PHIP: variants seen among roughly 807,000 people sequenced by gnomAD.
PHIP encodes the protein PHIP subunit of CUL4-Ring ligase complex.
PHIP carries 54 observed loss-of-function variants against 236.8 expected under a neutral mutation model. That is an observed-to-expected ratio of 0.23 (90% confidence interval 0.18 to 0.29). PHIP has a LOEUF of 0.29. PHIP is among the 10% of genes least tolerant of loss of function. The pLI, the probability that PHIP is intolerant of heterozygous loss-of-function variation, is 1.00. For missense variants in PHIP, 1,370 were observed against 2,190.8 expected (o/e 0.63, Z 7.48); for synonymous variants, 756 against 718.9 (o/e 1.05, Z -0.83).
intron 4 of PHIP, among the ~76,000 whole-genome samples, chr6:79,068,729 A>C (rs1307878286): frequency 6.6e-6 from 1 of 152,196 alleles, no homozygotes; most frequent in African/African-American, 2.4e-5. Context: ...CTTCGTGTTG[A>C]ACAAAATCTT....
intron 8 of PHIP, 127 bp downstream of exon 8, chr6:79,025,816 T>C: frequency 1.3e-6 from 1 of 748,888 alleles, no homozygotes; most frequent in Non-Finnish European, 2.2e-6. Context: ...TGGCCTTATA[T>C]ACTGGATTAT....
intron 13 of PHIP, 144 bp from the exon 14 acceptor site, chr6:79,015,927 A>G: frequency 1.7e-6 from 1 of 592,438 alleles, no homozygotes; most frequent in African/African-American, 1.9e-5. Flanking sequence ...TCAACATGGA[A>G]TGATGGTAAA....
chr6:78,967,385 C>T (rs540538896), intron 27 of PHIP, among the ~76,000 whole-genome samples: 4 of 152,320 alleles, frequency 2.6e-5, no homozygotes, highest in African/African-American at 9.6e-5. Context: ...TATGACCCTA[C>T]ACAGACTGAT....
chr6:78,995,883 C>T (rs539129794), intron 19 of PHIP, among the ~76,000 whole-genome samples: 110 of 152,186 alleles, frequency 7.2e-4, no homozygotes, highest in African/African-American at 2.5e-3. Context: ...AGGAAGATTC[C>T]CATAGGATGA....
At chr6:79,027,243 AT>A (rs1479089517) in intron 7 of PHIP, among the ~76,000 whole-genome samples, 2 of 152,198 alleles carry the variant, frequency 1.3e-5, no homozygotes, top group African/African-American at 4.8e-5. Flanking sequence ...TAAATGCTGT[AT>A]CTTAAATCAG....
intron 7 of PHIP, among the ~76,000 whole-genome samples, chr6:79,029,003 T>C (rs999511940): frequency 7.2e-5 from 11 of 152,384 alleles, no homozygotes; most frequent in Middle Eastern, 3.4e-3. Flanking sequence ...AGTCCTACTA[T>C]ATTCCTACTG....
intron 4 of PHIP, among the ~76,000 whole-genome samples, chr6:79,077,084 G>C (rs1774204253): frequency 6.6e-6 from 1 of 152,028 alleles, no homozygotes; most frequent in South Asian, 2.1e-4. Context: ...GAGCGAGCGC[G>C]CTCTCCCTCT....
At chr6:79,026,832 C>T (rs2127748930) in intron 7 of PHIP, among the ~76,000 whole-genome samples, 1 of 151,492 alleles carries the variant, frequency 6.6e-6, no homozygotes, top group East Asian at 1.9e-4. Context: ...CATTCAGACT[C>T]TATTTTTATT....
In PHIP at chr6:78,939,005, A is replaced by G. The variant is rs1283998630; in HGVS notation, c.*1688T>C. On this transcript the variant is annotated 3_prime_UTR_variant, in exon 40 of 40. Transcript: ENST00000275034. ...CATATTTTCCCCATCCTCACTTTTT[A>G]AAAATGTAGTATCTGAAAATTTTGA... The G allele has an allele frequency of 6.6e-6, 1 of 151,752 alleles. No individual in the cohort carries two copies. The highest frequency in any genetic ancestry group is 1.5e-5 in the Non-Finnish European group (1 of 67,682). 9.4% of individuals were successfully genotyped at this position (151,752 alleles called of 1,614,324 possible).
At position 78,985,429 on chromosome 6, in the gene PHIP, C is replaced by T; in HGVS notation, c.2461-1G>A. ...CACTGACAGCAACTACTTCGCCTTC[C>T]TAAGATATGTTGAATACATGTCTTA... On this transcript the variant is annotated splice_acceptor_variant, in intron 21 of 39. Coordinates refer to ENST00000275034, the MANE Select transcript of PHIP (RefSeq NM_017934.7). LOFTEE classifies it high-confidence loss of function. 6.5e-7 allele frequency: 1 copy of T among 1,531,738 alleles called. No homozygotes were observed. Among genetic ancestry groups the T allele is most frequent in the Non-Finnish European group, 9.1e-7 (1 of 1,104,900 alleles). 94.9% of individuals were successfully genotyped at this position (1,531,738 alleles called of 1,614,324 possible). A position where few individuals can be genotyped will look rare whatever the true frequency, so the allele number is the denominator to read the frequency against.
chr6:78,971,527 A>G (rs949056786), intron 24 of PHIP, among the ~76,000 whole-genome samples: 1 of 152,130 alleles, frequency 6.6e-6, no homozygotes, highest in African/African-American at 2.4e-5. Flanking sequence ...GGGAGGGGCC[A>G]AGATGGCCGA....
At chr6:78,983,230 A>C (rs1768655433) in intron 22 of PHIP, 113 bp from the exon 23 acceptor site, 2 of 501,058 alleles carry the variant, frequency 4.0e-6, no homozygotes, top group Admixed American at 3.7e-5. Flanking sequence ...CAAATACTTA[A>C]ACTACAAAAA....
intron 4 of PHIP, among the ~76,000 whole-genome samples, chr6:79,072,031 CCTAAAG>C (rs1486829521): frequency 6.6e-6 from 1 of 151,410 alleles, no homozygotes; most frequent in Non-Finnish European, 1.5e-5. Flanking sequence ...ATTTATTTTA[CCTAAAG>C]CTAAAGTCTT....
intron 35 of PHIP, among the ~76,000 whole-genome samples, chr6:78,952,770 C>T (rs1159234174): frequency 6.6e-6 from 1 of 152,064 alleles, no homozygotes; most frequent in Non-Finnish European, 1.5e-5. Context: ...CTTTTCCTCT[C>T]AAATAACATA....
At chr6:79,010,083 A>G (rs1224785204) in intron 15 of PHIP, among the ~76,000 whole-genome samples, 1 of 151,032 alleles carries the variant, frequency 6.6e-6, no homozygotes, top group African/African-American at 2.4e-5. Flanking sequence ...AGAAGGGAGG[A>G]AGGGAGGGAG....
At chr6:78,987,089 A>G (rs114546674) in intron 21 of PHIP, among the ~76,000 whole-genome samples, 1 of 152,146 alleles carries the variant, frequency 6.6e-6, no homozygotes, top group South Asian at 2.1e-4. Context: ...AATATATTCT[A>G]AATTTCTAAA....
Position 78,945,288 on chromosome 6 carries a change from G to A in PHIP, c.4828+12C>T, listed in dbSNP as rs1019804960. 1 of 1,568,996 alleles carries A rather than the reference G, an allele frequency of 6.4e-7. No individual in the cohort carries two copies. The highest frequency in any genetic ancestry group is 8.8e-7 in the Non-Finnish European group (1 of 1,138,910). On this transcript the variant is annotated intron_variant, in intron 39 of 39. Coordinates refer to ENST00000275034, the MANE Select transcript of PHIP (RefSeq NM_017934.7). ...ATCTACTGTATCTTGAAAGATACAA[G>A]TAATACCTTACCTTGCTCAATGACA...
chr6:78,997,938 T>C (rs1391998057), intron 18 of PHIP, among the ~76,000 whole-genome samples: 1 of 152,172 alleles, frequency 6.6e-6, no homozygotes, highest in Non-Finnish European at 1.5e-5. Context: ...TAAATTTGTT[T>C]TGACTCTTAA....
intron 3 of PHIP, 94 bp from the exon 4 acceptor site, chr6:79,077,601 G>A (rs1774241005): frequency 1.2e-6 from 1 of 828,768 alleles, no homozygotes; most frequent in East Asian, 1.3e-4. Flanking sequence ...GGGACCCCGA[G>A]CCCCGCGCCC....
Sources: gnomAD v4.1 joint callset for allele counts (sites outside exome capture counted in the v4.1 genomes callset) on GRCh38, gnomAD v4.1.1 for gene constraint, MANE v1.5 for transcripts, NCBI Gene and HGNC (gene_info 2026-07-23, HGNC 2026-07-21) for gene names.